Variants in PCED1B observed in about 807,000 individuals in gnomAD.
PCED1B encodes PC-esterase domain containing 1B, also known as PC-esterase domain-containing protein 1B.
For missense variants in PCED1B, 573 were observed against 573.9 expected (o/e 1.00, Z 0.02); for synonymous variants, 251 against 246.1 (o/e 1.02, Z -0.19).
chr12:47,117,736 T>C (rs1939489736), intron 2 of PCED1B, among the ~76,000 whole-genome samples: 3 of 152,232 alleles, frequency 2.0e-5, no homozygotes, highest in Admixed American at 2.0e-4. Flanking sequence ...CTGGGTCAAA[T>C]GGCATTTCTA....
intron 2 of PCED1B, among the ~76,000 whole-genome samples, chr12:47,188,179 T>C (rs564268200): frequency 1.1e-4 from 17 of 152,302 alleles, no homozygotes; most frequent in African/African-American, 4.1e-4. Context: ...GACAGTGATC[T>C]TGCCTTAGTT....
intron 2 of PCED1B, among the ~76,000 whole-genome samples, chr12:47,145,405 T>C (rs538333687): frequency 6.6e-6 from 1 of 152,268 alleles, no homozygotes; most frequent in East Asian, 1.9e-4. Flanking sequence ...GCTAAGATAA[T>C]GGATGAAGGC....
intron 2 of PCED1B, among the ~76,000 whole-genome samples, chr12:47,150,406 T>A (rs1940946490): frequency 6.6e-6 from 1 of 151,500 alleles, no homozygotes; most frequent in African/African-American, 2.4e-5. Flanking sequence ...AAACCCTGTC[T>A]CTACTAAAAA....
intron 2 of PCED1B, among the ~76,000 whole-genome samples, chr12:47,131,520 A>G (rs1940124990): frequency 6.6e-6 from 1 of 152,218 alleles, no homozygotes; most frequent in South Asian, 2.1e-4. Context: ...GAATTGTTCC[A>G]GATAATTCTC....
chr12:47,080,643 G>A (rs543440817), intron 1 of PCED1B, among the ~76,000 whole-genome samples: 1 of 152,266 alleles, frequency 6.6e-6, no homozygotes, highest in African/African-American at 2.4e-5. Flanking sequence ...CAACAGGGAT[G>A]GTGTCCAATT....
intron 2 of PCED1B, among the ~76,000 whole-genome samples, chr12:47,113,545 C>T (rs941974313): frequency 2.0e-5 from 3 of 152,160 alleles, no homozygotes; most frequent in Non-Finnish European, 2.9e-5. Context: ...CCTGTTCTAC[C>T]CCCACCTCCC....
At chr12:47,193,645 T>A (rs1176582693) in intron 2 of PCED1B, among the ~76,000 whole-genome samples, 1 of 152,228 alleles carries the variant, frequency 6.6e-6, no homozygotes, top group Non-Finnish European at 1.5e-5. Flanking sequence ...CACTCAGCCC[T>A]GAGTAGCTTC....
At chr12:47,192,439 T>C (rs546372541) in intron 2 of PCED1B, among the ~76,000 whole-genome samples, 2 of 152,324 alleles carry the variant, frequency 1.3e-5, no homozygotes, top group Admixed American at 1.3e-4. Context: ...AAATGGGTGC[T>C]CCTTTTGGAT....
chr12:47,080,600 A>T (rs1937650178), intron 1 of PCED1B, among the ~76,000 whole-genome samples: 1 of 152,118 alleles, frequency 6.6e-6, no homozygotes, highest in Non-Finnish European at 1.5e-5. Context: ...CCTCCCTGGG[A>T]AAGTTCTATC....
chr12:47,236,388 T>C lies in PCED1B; in HGVS notation c.*26T>C, dbSNP rs145266382. ...ACGGACCTAGGCCTTATTTCCTCTT[T>C]ATGAACATGGATTGGACAGATCTGA... On this transcript the variant is annotated 3_prime_UTR_variant, in exon 4 of 4. Transcript: ENST00000546455. 5.1e-4 allele frequency: 775 copies of C among 1,510,204 alleles called. 1 individual carries two copies. The African/African-American group carries it at 7.6e-3, about 15-fold the overall frequency. The allele number at this position is 1,510,204 out of a possible 1,614,324, so 93.6% of individuals were successfully genotyped here.
rs535848602 is a variant in PCED1B, at chr12:47,081,839, A to G, written c.-609+2114A>G. Among the ~76,000 whole-genome samples, 7 of 152,366 alleles carry G rather than the reference A, an allele frequency of 4.6e-5. No individual in the cohort carries two copies. In the South Asian group the frequency reaches 1.4e-3, roughly 32 times the overall value. On this transcript the variant is annotated intron_variant, in intron 1 of 3. Transcript: ENST00000546455. The stretch of plus-strand genomic sequence containing the variant: ...CCTGTATTTAATGCAAAAATAGTCT[A>G]AAAAGAATAAGTGATTCAAAAAAAT...
intron 1 of PCED1B, among the ~76,000 whole-genome samples, chr12:47,089,306 G>A (rs1938137797): frequency 6.6e-6 from 1 of 151,306 alleles, no homozygotes; most frequent in African/African-American, 2.4e-5. Flanking sequence ...AATTAACAGG[G>A]CGTGGTGACG....
chr12:47,136,085 CTT>C (rs57549946), intron 2 of PCED1B: 4 of 131,492 alleles, frequency 3.0e-5, no homozygotes, highest in Non-Finnish European at 3.1e-5. Flanking sequence ...CAATTTCTTT[CTT>C]TTTTTTTTTT....
chr12:47,171,486 A>T (rs1382374260), intron 2 of PCED1B, among the ~76,000 whole-genome samples: 2 of 152,218 alleles, frequency 1.3e-5, no homozygotes, highest in Non-Finnish European at 2.9e-5. Context: ...TAGCTATTAT[A>T]TTAATCTCAC....
At chr12:47,175,378 T>C (rs1200596843) in intron 2 of PCED1B, among the ~76,000 whole-genome samples, 1 of 152,188 alleles carries the variant, frequency 6.6e-6, no homozygotes, top group Non-Finnish European at 1.5e-5. Context: ...TATCTTTATA[T>C]CCATGAATTA....
intron 3 of PCED1B, among the ~76,000 whole-genome samples, chr12:47,231,059 C>A (rs1943790426): frequency 6.6e-6 from 1 of 152,148 alleles, no homozygotes; most frequent in Non-Finnish European, 1.5e-5. Flanking sequence ...AGGATTCAAA[C>A]CCAGGTAGTA....
chr12:47,094,501 CT>C (rs991550543), intron 1 of PCED1B, among the ~76,000 whole-genome samples: 16 of 151,808 alleles, frequency 1.1e-4, no homozygotes, highest in African/African-American at 3.4e-4. Context: ...ATTTTATGTT[CT>C]TTTTTTCGCC....
At chr12:47,119,943 G>A (rs1359116485) in intron 2 of PCED1B, among the ~76,000 whole-genome samples, 1 of 149,874 alleles carries the variant, frequency 6.7e-6, no homozygotes, top group African/African-American at 2.5e-5. Context: ...TCCAGCCTGG[G>A]GGACAGAGTG....
intron 3 of PCED1B, among the ~76,000 whole-genome samples, chr12:47,229,383 C>T (rs983267681): frequency 8.6e-5 from 13 of 150,546 alleles, no homozygotes; most frequent in Non-Finnish European, 1.2e-4. Flanking sequence ...CACTGTACTT[C>T]AGCCTGGGCA....
Sources: gnomAD v4.1 joint callset for allele counts (sites outside exome capture counted in the v4.1 genomes callset) on GRCh38, gnomAD v4.1.1 for gene constraint, MANE v1.5 for transcripts, NCBI Gene and HGNC (gene_info 2026-07-23, HGNC 2026-07-21) for gene names.